Variants in CHL1 observed in about 807,000 individuals in gnomAD.
The protein encoded by CHL1 is cell adhesion molecule L1 like, also known as neural cell adhesion molecule L1-like protein.
A neutral mutation model predicts 141.9 loss-of-function variants in CHL1; 96 were observed. That is an observed-to-expected ratio of 0.68 (90% CI 0.57 to 0.80). The LOEUF is 0.80. CHL1 is among the 30% of genes least tolerant of loss of function. CHL1 has a pLI of 0.00. For synonymous variants in CHL1, 613 were observed against 502.2 expected (o/e 1.22, Z -2.95); for missense variants, 1,820 against 1,457.2 (o/e 1.25, Z -4.05).
At chr3:358,018 G>T (rs991661235) in intron 11 of CHL1, among the ~76,000 whole-genome samples, 8 of 152,142 alleles carry the variant, frequency 5.3e-5, no homozygotes, top group African/African-American at 1.9e-4. Flanking sequence ...TAATTTGCAA[G>T]AAATAAGTGA....
intron 16 of CHL1, among the ~76,000 whole-genome samples, chr3:379,506 T>C (rs1706760126): frequency 6.6e-6 from 1 of 152,076 alleles, no homozygotes; most frequent in Non-Finnish European, 1.5e-5. Flanking sequence ...ATCCCAGGCC[T>C]AGTGAGTAGA....
At chr3:323,019 A>G (rs984595463) in intron 3 of CHL1, among the ~76,000 whole-genome samples, 5 of 152,074 alleles carry the variant, frequency 3.3e-5, no homozygotes, top group Non-Finnish European at 7.4e-5. Context: ...GGAAGTAGAT[A>G]TAAAATAATT....
At chr3:265,776 G>T (rs1574906504) in intron 2 of CHL1, among the ~76,000 whole-genome samples, 1 of 152,176 alleles carries the variant, frequency 6.6e-6, no homozygotes, top group Non-Finnish European at 1.5e-5. Flanking sequence ...AAACTCGATG[G>T]TTTTTGTAAG....
At chr3:302,023 C>G (rs1027881681) in intron 2 of CHL1, among the ~76,000 whole-genome samples, 1 of 152,176 alleles carries the variant, frequency 6.6e-6, no homozygotes, top group Admixed American at 6.5e-5. Flanking sequence ...CTTGTGATAG[C>G]TTGCTGAGAA....
At chr3:389,206 C>A in intron 19 of CHL1, 46 bp from the exon 20 acceptor site, 2 of 1,481,450 alleles carry the variant, frequency 1.4e-6, no homozygotes, top group South Asian at 1.2e-5. Flanking sequence ...ATCTCTGAGT[C>A]AACACATCTG....
At chr3:327,917 T>C (rs375564916) in intron 4 of CHL1, among the ~76,000 whole-genome samples, 7 of 152,032 alleles carry the variant, frequency 4.6e-5, no homozygotes, top group African/African-American at 1.7e-4. Flanking sequence ...TAAAAATAAA[T>C]AAATAATTTT....
intron 2 of CHL1, among the ~76,000 whole-genome samples, chr3:256,383 C>G (rs932033626): frequency 6.6e-6 from 1 of 152,138 alleles, no homozygotes; most frequent in South Asian, 2.1e-4. Flanking sequence ...TAACTTAACA[C>G]AGAATAAATA....
At chr3:242,936 C>T (rs1692804208) in intron 1 of CHL1, among the ~76,000 whole-genome samples, 1 of 152,142 alleles carries the variant, frequency 6.6e-6, no homozygotes, top group African/African-American at 2.4e-5. Context: ...TCTCTGTTGT[C>T]ATGAATGTCC....
chr3:212,239 A>G (rs1699959532), intron 1 of CHL1, among the ~76,000 whole-genome samples: 2 of 152,096 alleles, frequency 1.3e-5, no homozygotes, highest in Non-Finnish European at 2.9e-5. Context: ...GAACCCAATC[A>G]ATTCTCAGAT....
intron 2 of CHL1, among the ~76,000 whole-genome samples, chr3:282,479 T>C (rs575896991): frequency 1.3e-5 from 2 of 152,224 alleles, no homozygotes; most frequent in Non-Finnish European, 2.9e-5. Flanking sequence ...TCTAGTGTTC[T>C]TTCATTTTAG....
chr3:361,450 G>T (rs2125263862), intron 12 of CHL1, among the ~76,000 whole-genome samples: 1 of 150,256 alleles, frequency 6.7e-6, no homozygotes, highest in South Asian at 2.1e-4. Context: ...CAAAATGGGA[G>T]AAAATTTTTG....
rs1309864186 is a variant in CHL1, at chr3:293,503, A to G, written c.-94-26180A>G. ...CTGGGCCACAGAGTGACACTCCATC[A>G]AAAAAAATTTTAAAAAAACCCTAAT... is the stretch of plus-strand genomic sequence containing the variant. On this transcript the variant is annotated intron_variant, in intron 2 of 27. Coordinates refer to ENST00000256509, the MANE Select transcript of CHL1 (RefSeq NM_006614.4). 7.2e-5 allele frequency among the ~76,000 whole-genome samples: 11 copies of G among 152,202 alleles called. No homozygotes were observed. The East Asian group carries it at 1.9e-3, about 27-fold the overall frequency.
intron 2 of CHL1, among the ~76,000 whole-genome samples, chr3:316,215 G>A (rs569657134): frequency 3.9e-5 from 6 of 152,146 alleles, no homozygotes; most frequent in African/African-American, 1.4e-4. Flanking sequence ...GTCTATGTCT[G>A]CAGCTCTATT....
chr3:272,032 TAATA>T (rs1323700257), intron 2 of CHL1, among the ~76,000 whole-genome samples: 1 of 152,246 alleles, frequency 6.6e-6, no homozygotes, highest in African/African-American at 2.4e-5. Flanking sequence ...TAGCATGATT[TAATA>T]GAATTGGGAA....
chr3:310,459 G>C (rs535874719), intron 2 of CHL1, among the ~76,000 whole-genome samples: 1 of 152,112 alleles, frequency 6.6e-6, no homozygotes, highest in South Asian at 2.1e-4. Context: ...AAAGAATTAA[G>C]AGGATGTTCT....
At chr3:229,204 T>A (rs1008821968) in intron 1 of CHL1, among the ~76,000 whole-genome samples, 1 of 152,212 alleles carries the variant, frequency 6.6e-6, no homozygotes, top group Non-Finnish European at 1.5e-5. Context: ...TCTGCTAGCA[T>A]GTTTTATGCC....
chr3:355,552 G>T (rs1703637555), intron 11 of CHL1, among the ~76,000 whole-genome samples: 1 of 152,164 alleles, frequency 6.6e-6, no homozygotes, highest in African/African-American at 2.4e-5. Context: ...CGTGTCAATT[G>T]CTTAATTAAG....
At chr3:198,382 G>T (rs1698594759) in intron 1 of CHL1, among the ~76,000 whole-genome samples, 1 of 152,040 alleles carries the variant, frequency 6.6e-6, no homozygotes, top group Admixed American at 6.5e-5. Flanking sequence ...CCGTGCGCGG[G>T]GAGATTTGCG....
At chr3:302,227 G>A (rs754057765) in intron 2 of CHL1, among the ~76,000 whole-genome samples, 4 of 152,024 alleles carry the variant, frequency 2.6e-5, no homozygotes, top group South Asian at 2.1e-4. Context: ...TGTGTCTATC[G>A]TAGAATGATT....
Sources: allele counts gnomAD v4.1 joint callset (sites outside exome capture counted in the v4.1 genomes callset), GRCh38; gene constraint gnomAD v4.1.1; transcripts MANE v1.5; gene names NCBI Gene and HGNC (gene_info 2026-07-23, HGNC 2026-07-21).